ENTHD1: variants seen among roughly 807,000 people sequenced by gnomAD.
The protein encoded by ENTHD1 is ENTH domain containing 1.
Under a neutral mutation model 39.1 loss-of-function variants are expected in ENTHD1, and 23 were observed. That is an observed-to-expected ratio of 0.59 (90% CI 0.42 to 0.83). ENTHD1 has a LOEUF of 0.83. Among genes scored for constraint, ENTHD1 ranks in the 40% least tolerant of loss-of-function variants. The pLI is 0.00. For missense variants in ENTHD1, 624 were observed against 705.4 expected (o/e 0.88, Z 1.31); for synonymous variants, 230 against 258.2 (o/e 0.89, Z 1.05).
At chr22:39,856,274 CAAAAAAAAAAA>C (rs34598525) in intron 3 of ENTHD1, among the ~76,000 whole-genome samples, 1 of 50,768 alleles carries the variant, frequency 2.0e-5, no homozygotes, top group African/African-American at 7.3e-5. Context: ...AACTTCATCT[CAAAAAAAAAAA>C]AAAAAAAAAA....
At chr22:39,875,341 C>T in intron 2 of ENTHD1, 1 of 1,343,188 alleles carries the variant, frequency 7.4e-7, no homozygotes, top group Non-Finnish European at 9.5e-7. Flanking sequence ...TCCTGTCGGC[C>T]ACGTCCCGCG....
At chr22:39,782,579 C>G (rs1267916209) in intron 5 of ENTHD1, among the ~76,000 whole-genome samples, 1 of 151,952 alleles carries the variant, frequency 6.6e-6, no homozygotes, top group Non-Finnish European at 1.5e-5. Flanking sequence ...ACTAATAAAC[C>G]CAATTCAGCA....
intron 3 of ENTHD1, among the ~76,000 whole-genome samples, chr22:39,852,646 C>T (rs1462232478): frequency 6.6e-6 from 1 of 152,110 alleles, no homozygotes; most frequent in Non-Finnish European, 1.5e-5. Flanking sequence ...ACTTGTATAG[C>T]ATATTACTGT....
intron 3 of ENTHD1, among the ~76,000 whole-genome samples, chr22:39,837,293 A>C (rs538339490): frequency 2.6e-5 from 4 of 152,180 alleles, no homozygotes; most frequent in Non-Finnish European, 4.4e-5. Context: ...TAAAGGAAGC[A>C]ATTTCCAGAT....
chr22:39,819,093 A>G (rs941495358), intron 5 of ENTHD1, among the ~76,000 whole-genome samples: 10 of 152,302 alleles, frequency 6.6e-5, no homozygotes, highest in Admixed American at 5.9e-4. Context: ...TCGGCTAGGC[A>G]TGGTGGCTCA....
At position 39,765,469 on chromosome 22, in the gene ENTHD1, C is replaced by A. The variant is rs763177948; in HGVS notation, c.973G>T (p.Gly325Cys). ...GGTAAAATTGTCAATGTTTTAAGAC[C>A]TTCTGCAGCTGATTGCTTTTCTAAA... ...TPLEKQSAAE[G>C]LKTLTILPAC... is the part of the protein sequence containing the mutation. Residue 325 changes from glycine to cysteine, a missense_variant, in exon 6 of 7, where the codon GGT becomes TGT. Physicochemically the swap from Gly to Cys is radical, Grantham distance 159 (BLOSUM62 -3). Transcript: ENST00000325157. The A allele has an allele frequency of 1.2e-6, 2 of 1,613,852 alleles. No homozygotes were observed. The highest frequency in any genetic ancestry group is 1.7e-5 in the Admixed American group (1 of 59,926).
chr22:39,855,245 C>T (rs2066075475), intron 3 of ENTHD1, among the ~76,000 whole-genome samples: 1 of 152,168 alleles, frequency 6.6e-6, no homozygotes. Context: ...TCTCCAAGGC[C>T]TACAATGGTT....
intron 1 of ENTHD1, among the ~76,000 whole-genome samples, chr22:39,891,189 A>C (rs777043986): frequency 2.6e-5 from 4 of 152,192 alleles, no homozygotes; most frequent in Non-Finnish European, 5.9e-5. Context: ...CGACCTCACT[A>C]ACTACTTAGG....
intron 5 of ENTHD1, among the ~76,000 whole-genome samples, chr22:39,766,408 A>C (rs2146560257): frequency 6.6e-6 from 1 of 152,320 alleles, no homozygotes; most frequent in East Asian, 1.9e-4. Flanking sequence ...GAATCTACGC[A>C]TTATAGACCT....
At chr22:39,752,982 TTG>T (rs1296655628) in intron 6 of ENTHD1, among the ~76,000 whole-genome samples, 1 of 152,164 alleles carries the variant, frequency 6.6e-6, no homozygotes, top group African/African-American at 2.4e-5. Context: ...TTAATGGGTC[TTG>T]TGTGTGTGTG....
At chr22:39,855,846 G>A (rs1165535829) in intron 3 of ENTHD1, among the ~76,000 whole-genome samples, 1 of 152,146 alleles carries the variant, frequency 6.6e-6, no homozygotes. Context: ...TTTCAGAAGA[G>A]AGAAATAAAT....
At chr22:39,789,035 C>G (rs1217481564) in intron 5 of ENTHD1, among the ~76,000 whole-genome samples, 2 of 152,074 alleles carry the variant, frequency 1.3e-5, no homozygotes, top group African/African-American at 4.8e-5. Context: ...GCAATGTTGG[C>G]TTTATTGCGG....
intron 3 of ENTHD1, among the ~76,000 whole-genome samples, chr22:39,857,348 C>T (rs1489889303): frequency 6.8e-6 from 1 of 146,602 alleles, no homozygotes; most frequent in Non-Finnish European, 1.5e-5. Flanking sequence ...AAGGCTGAGG[C>T]AGGAGAATCG....
At chr22:39,808,570 T>C (rs974829320) in intron 5 of ENTHD1, among the ~76,000 whole-genome samples, 1 of 152,252 alleles carries the variant, frequency 6.6e-6, no homozygotes, top group Non-Finnish European at 1.5e-5. Context: ...TAGATTAGTC[T>C]TCGTTCTCCT....
intron 3 of ENTHD1, among the ~76,000 whole-genome samples, chr22:39,858,762 T>A (rs892369701): frequency 6.6e-6 from 1 of 152,166 alleles, no homozygotes; most frequent in Non-Finnish European, 1.5e-5. Flanking sequence ...GCAGTAATAT[T>A]TTTAAAGAAA....
intron 3 of ENTHD1, 93 bp downstream of exon 3, chr22:39,861,666 ATAATAT>A (rs958904375): frequency 1.9e-6 from 2 of 1,030,978 alleles, no homozygotes; most frequent in Non-Finnish European, 1.3e-6. Context: ...GTAATACTAA[ATAATAT>A]TAATAATTTA....
chr22:39,841,500 T>C (rs1449394020), intron 3 of ENTHD1, among the ~76,000 whole-genome samples: 1 of 151,664 alleles, frequency 6.6e-6, no homozygotes, highest in East Asian at 1.9e-4. Flanking sequence ...ATGGCCTTCT[T>C]TGTCTCTTTT....
chr22:39,807,888 C>CGTGTGT (rs375190088), intron 5 of ENTHD1, among the ~76,000 whole-genome samples: 6 of 146,018 alleles, frequency 4.1e-5, no homozygotes, highest in Non-Finnish European at 7.6e-5. Context: ...TATATACGTA[C>CGTGTGT]GTGTGTGTGT....
rs149094441 is a variant in ENTHD1, at chr22:39,766,802, A to G, written c.833-1193T>C. ...CTGCAGTTGGAGGTTAGCCTTAGCA[A>G]AAATACTGCTGGTATGTACCACAGA... On this transcript the variant is annotated intron_variant, in intron 5 of 6. Coordinates refer to ENST00000325157, the MANE Select transcript of ENTHD1 (RefSeq NM_152512.4). Among the ~76,000 whole-genome samples the G allele has an allele frequency of 9.8e-4, 149 of 152,306 alleles. 1 individual carries two copies. In the South Asian group the frequency reaches 0.023, roughly 23 times the overall value.
Sources: allele counts gnomAD v4.1 joint callset (sites outside exome capture counted in the v4.1 genomes callset), GRCh38; gene constraint gnomAD v4.1.1; transcripts MANE v1.5; gene names NCBI Gene and HGNC (gene_info 2026-07-23, HGNC 2026-07-21).